Variants in CCAR1 observed in about 807,000 individuals in gnomAD.
The protein encoded by CCAR1 is cell division cycle and apoptosis regulator protein 1.
A neutral mutation model predicts 163.8 loss-of-function variants in CCAR1; 78 were observed. The observed-to-expected ratio is 0.48, with a 90% CI of 0.40 to 0.57. CCAR1 has a LOEUF of 0.57. Among genes scored for constraint, CCAR1 ranks in the 20% least tolerant of loss-of-function variants. The pLI, the probability that CCAR1 is intolerant of heterozygous loss-of-function variation, is 0.00. For synonymous variants in CCAR1, 443 were observed against 460.7 expected (o/e 0.96, Z 0.49); for missense variants, 1,019 against 1,365.2 (o/e 0.75, Z 4.00).
intron 19 of CCAR1, 106 bp downstream of exon 19, chr10:68,773,205 A>T (rs2056624458): frequency 1.6e-6 from 1 of 614,898 alleles, no homozygotes. Context: ...TTTCTTTAGA[A>T]TAGAAAGAGT....
Position 68,756,517 on chromosome 10 carries a change from T to G in CCAR1, c.1836+34T>G. The G allele has an allele frequency of 6.6e-7, 1 of 1,521,744 alleles. No homozygotes were observed. The highest frequency in any genetic ancestry group is 9.0e-7 in the Non-Finnish European group (1 of 1,116,080). 94.3% of individuals were successfully genotyped at this position (1,521,744 alleles called of 1,614,324 possible). ...CGCTAATCCCTTTTTCTATTTCCGC[T>G]TCTCACAGGCACAGGAACACAGGCA... is the stretch of plus-strand genomic sequence containing the variant. On this transcript the variant is annotated intron_variant, in intron 14 of 24. Coordinates refer to ENST00000265872, the MANE Select transcript of CCAR1 (RefSeq NM_018237.4). The surrounding 1 kb of genome is among the most constrained non-coding windows in gnomAD (Gnocchi z 5.1).
intron 5 of CCAR1, 55 bp downstream of exon 5, chr10:68,740,716 G>T: frequency 7.5e-7 from 1 of 1,341,024 alleles, no homozygotes; most frequent in Non-Finnish European, 1.0e-6. Context: ...GTAGACTAAA[G>T]CTTTATTAGT....
chr10:68,749,118 T>C lies in CCAR1; in HGVS notation c.827-18T>C, dbSNP rs947689775. The C allele has an allele frequency of 1.9e-6, 3 of 1,613,900 alleles. No individual in the cohort carries two copies. Among genetic ancestry groups the C allele is most frequent in the African/African-American group, 1.3e-5 (1 of 75,038 alleles). ...TTGTTTAGACACGCTAAACGTTTTT[T>C]TCTTTTATCTTTTAAAGCTGGTTTA... On this transcript the variant is annotated intron_variant, in intron 8 of 24. Transcript: ENST00000265872.
At chr10:68,767,577 C>G (rs576897062) in intron 17 of CCAR1, among the ~76,000 whole-genome samples, 3 of 152,274 alleles carry the variant, frequency 2.0e-5, no homozygotes, top group Admixed American at 2.0e-4. Flanking sequence ...CAGAGTCTCC[C>G]TCTGTCACCC....
intron 15 of CCAR1, among the ~76,000 whole-genome samples, chr10:68,758,782 C>T (rs1011199231): frequency 3.3e-5 from 5 of 151,276 alleles, no homozygotes; most frequent in African/African-American, 1.2e-4. Context: ...AAGAGATTCT[C>T]GTGCCTCAGC....
chr10:68,737,754 A>G, intron 3 of CCAR1, 91 bp from the exon 4 acceptor site: 1 of 666,622 alleles, frequency 1.5e-6, no homozygotes, highest in Non-Finnish European at 2.5e-6. Flanking sequence ...GTTTAGTGTA[A>G]TTGTATGTAT....
At chr10:68,790,718 A>G (rs2133444102) in intron 24 of CCAR1, among the ~76,000 whole-genome samples, 1 of 151,984 alleles carries the variant, frequency 6.6e-6, no homozygotes, top group Admixed American at 6.6e-5. Context: ...TTTTAGAGAC[A>G]GGGTTTCAGA....
At chr10:68,740,492 G>T in intron 4 of CCAR1, 137 bp from the exon 5 acceptor site, 1 of 702,542 alleles carries the variant, frequency 1.4e-6, no homozygotes, top group South Asian at 2.0e-5. Context: ...GCAACATAGT[G>T]AGACCTCGTT....
chr10:68,754,498 A>G (rs2056374678), intron 11 of CCAR1, among the ~76,000 whole-genome samples: 1 of 152,202 alleles, frequency 6.6e-6, no homozygotes, highest in Non-Finnish European at 1.5e-5. Flanking sequence ...GTTAAAACTA[A>G]GTAATTATAA....
chr10:68,750,644 G>A (rs2056319527), intron 10 of CCAR1, among the ~76,000 whole-genome samples: 1 of 152,146 alleles, frequency 6.6e-6, no homozygotes, highest in Non-Finnish European at 1.5e-5. Context: ...CAGTTGTATA[G>A]TCTCAGTAAT....
intron 17 of CCAR1, among the ~76,000 whole-genome samples, chr10:68,766,530 C>T (rs968669882): frequency 2.0e-5 from 3 of 148,210 alleles, no homozygotes; most frequent in Non-Finnish European, 4.5e-5. Context: ...ATGCCTCTTT[C>T]ATTCTTTCTT....
At chr10:68,753,493 G>T (rs999619195) in intron 10 of CCAR1, among the ~76,000 whole-genome samples, 2 of 152,088 alleles carry the variant, frequency 1.3e-5, no homozygotes, top group Non-Finnish European at 2.9e-5. Flanking sequence ...TTGCTGTTTT[G>T]TATCTATTCA....
chr10:68,723,990 C>G (rs546262513), intron 2 of CCAR1, among the ~76,000 whole-genome samples: 21 of 150,698 alleles, frequency 1.4e-4, no homozygotes, highest in African/African-American at 4.6e-4. Flanking sequence ...GAAACCCTGT[C>G]TCTACTAAAA....
At chr10:68,767,323 G>A (rs181514639) in intron 17 of CCAR1, among the ~76,000 whole-genome samples, 2 of 151,998 alleles carry the variant, frequency 1.3e-5, no homozygotes, top group Admixed American at 6.6e-5. Flanking sequence ...AATGGAATAC[G>A]ATGGCACAAT....
At chr10:68,764,652 C>T (rs745919220) in intron 16 of CCAR1, among the ~76,000 whole-genome samples, 1 of 152,104 alleles carries the variant, frequency 6.6e-6, no homozygotes, top group Non-Finnish European at 1.5e-5. Flanking sequence ...CCTGATTCTC[C>T]TTTCCCACGG....
At chr10:68,775,632 T>TCCG (rs1235544472) in intron 19 of CCAR1, among the ~76,000 whole-genome samples, 1 of 147,568 alleles carries the variant, frequency 6.8e-6, no homozygotes, top group African/African-American at 2.5e-5. Flanking sequence ...GCCTCAGCCT[T>TCCG]CCGAGTAGCT....
At chr10:68,726,947 A>G (rs921067693) in intron 2 of CCAR1, among the ~76,000 whole-genome samples, 4 of 150,908 alleles carry the variant, frequency 2.7e-5, no homozygotes, top group Non-Finnish European at 4.4e-5. Context: ...GTGAGCCCAG[A>G]TCGTGCCACT....
At position 68,754,737 on chromosome 10, in the gene CCAR1, T is replaced by C. The variant is rs753545972; in HGVS notation, c.1368T>C (p.Ser456=). Reference sequence around the variant, plus strand: ...AGGTAATGCTGATGGCTAGCCCTAGTATGGAAGATTTATATCATAAGTCAT... The same window carrying C: ...AGGTAATGCTGATGGCTAGCCCTAGCATGGAAGATTTATATCATAAGTCAT... ...SAKVMLMASP[S]MEDLYHKSCA... is the part of the protein sequence containing the mutation. Residue 456 remains serine (S), a synonymous_variant, in exon 12 of 25, where the codon AGT becomes AGC. Transcript: ENST00000265872. The C allele has an allele frequency of 1.9e-6, 3 of 1,606,598 alleles. No homozygotes were observed. The highest frequency in any genetic ancestry group is 2.2e-5 in the South Asian group (2 of 90,780).
intron 18 of CCAR1, among the ~76,000 whole-genome samples, chr10:68,772,549 A>C (rs138475123): frequency 1.3e-5 from 2 of 151,944 alleles, no homozygotes; most frequent in African/African-American, 2.4e-5. Flanking sequence ...TGGATTTACT[A>C]TTTTTCAGTT....
Sources: allele counts gnomAD v4.1 joint callset (sites outside exome capture counted in the v4.1 genomes callset), GRCh38; gene constraint gnomAD v4.1.1; non-coding constraint Gnocchi (gnomAD v3.1); transcripts MANE v1.5; gene names NCBI Gene and HGNC (gene_info 2026-07-23, HGNC 2026-07-21).